Variants in KCTD8 observed in about 807,000 individuals in gnomAD.
The protein encoded by KCTD8 is BTB/POZ domain-containing protein KCTD8.
A neutral mutation model predicts 31.5 loss-of-function variants in KCTD8; 27 were observed. The observed-to-expected ratio is 0.86, with a 90% CI of 0.63 to 1.18. The LOEUF (loss-of-function observed/expected upper bound fraction) is 1.18. Among genes scored for constraint, KCTD8 ranks in the 50% most tolerant of loss-of-function variants. KCTD8 has a pLI of 0.00. For synonymous variants in KCTD8, 290 were observed against 280.0 expected, an observed-to-expected ratio of 1.04 and a Z score of -0.36; for missense variants, 658 against 647.7, an observed-to-expected ratio of 1.02 and a Z score of -0.17.
At chr4:44,203,516 G>T (rs1361412166) in intron 1 of KCTD8, among the ~76,000 whole-genome samples, 1 of 146,654 alleles carries the variant, frequency 6.8e-6, no homozygotes, top group Non-Finnish European at 1.5e-5. Flanking sequence ...AAAAAAAAAG[G>T]AATAAAAAAA....
intron 1 of KCTD8, among the ~76,000 whole-genome samples, chr4:44,388,145 A>T (rs963748568): frequency 1.3e-5 from 2 of 152,080 alleles, no homozygotes; most frequent in African/African-American, 2.4e-5. Context: ...GCAAATCAAA[A>T]CCATAATGGA....
At chr4:44,343,672 G>C (rs565699848) in intron 1 of KCTD8, among the ~76,000 whole-genome samples, 6 of 152,052 alleles carry the variant, frequency 3.9e-5, no homozygotes, top group African/African-American at 7.3e-5. Flanking sequence ...TAAGTTTTTA[G>C]GGTTTTCACA....
At chr4:44,349,447 AG>A (rs1258963791) in intron 1 of KCTD8, among the ~76,000 whole-genome samples, 2 of 152,180 alleles carry the variant, frequency 1.3e-5, no homozygotes, top group African/African-American at 4.8e-5. Flanking sequence ...AACATCGGGC[AG>A]GAATGACCAG....
intron 1 of KCTD8, among the ~76,000 whole-genome samples, chr4:44,426,878 A>G (rs1282607529): frequency 6.6e-6 from 1 of 151,778 alleles, no homozygotes; most frequent in Non-Finnish European, 1.5e-5. Flanking sequence ...TAAAAAAATT[A>G]TAAGCCTATT....
intron 1 of KCTD8, among the ~76,000 whole-genome samples, chr4:44,321,369 T>G (rs2109406309): frequency 6.6e-6 from 1 of 152,320 alleles, no homozygotes; most frequent in Middle Eastern, 3.4e-3. Context: ...AAATTAAGAC[T>G]TACTGTGTCA....
intron 1 of KCTD8, among the ~76,000 whole-genome samples, chr4:44,435,845 T>C (rs1194516220): frequency 1.3e-5 from 2 of 152,088 alleles, no homozygotes; most frequent in East Asian, 1.9e-4. Context: ...TGGGCTTCTA[T>C]AGGTGATCGG....
chr4:44,306,696 A>T (rs931551434), intron 1 of KCTD8, among the ~76,000 whole-genome samples: 4 of 151,886 alleles, frequency 2.6e-5, no homozygotes, highest in African/African-American at 9.7e-5. Context: ...AGTCCTGAAC[A>T]TGTTCTGTCT....
intron 1 of KCTD8, among the ~76,000 whole-genome samples, chr4:44,358,636 T>C (rs1244691875): frequency 6.6e-6 from 1 of 151,986 alleles, no homozygotes; most frequent in East Asian, 1.9e-4. Flanking sequence ...TGGCACGATC[T>C]CGGCTCACCG....
rs547846414 is a variant in KCTD8 at position 44,210,112 on chromosome 4, TG to T, written c.962-34863del. ...TTTGAATGCCCAACATATATTACCC[TG>T]GGCATTATGTAAATATTCAACAGTT... On this transcript the variant is annotated intron_variant, in intron 1 of 1. Transcript: ENST00000360029. Among the ~76,000 whole-genome samples, 8 of 152,336 alleles carry T rather than the reference TG, an allele frequency of 5.3e-5. No homozygotes were observed. The East Asian group carries it at 9.7e-4, about 18-fold the overall frequency.
intron 1 of KCTD8, among the ~76,000 whole-genome samples, chr4:44,431,380 G>A (rs185766918): frequency 3.9e-4 from 59 of 150,912 alleles, no homozygotes; most frequent in Admixed American, 3.7e-3. Flanking sequence ...TATTATCTTC[G>A]GGATAAAGAT....
At chr4:44,413,426 T>TA (rs1254193334) in intron 1 of KCTD8, among the ~76,000 whole-genome samples, 1 of 152,176 alleles carries the variant, frequency 6.6e-6, no homozygotes, top group Non-Finnish European at 1.5e-5. Flanking sequence ...ATCTCTAAAA[T>TA]ATATGGCCTA....
intron 1 of KCTD8, among the ~76,000 whole-genome samples, chr4:44,333,719 T>A (rs762306378): frequency 1.3e-5 from 2 of 150,462 alleles, no homozygotes; most frequent in African/African-American, 5.0e-5. Flanking sequence ...TGTGATGTTG[T>A]ATTGAGGTGA....
At chr4:44,411,523 G>GT (rs1720956649) in intron 1 of KCTD8, among the ~76,000 whole-genome samples, 1 of 151,974 alleles carries the variant, frequency 6.6e-6, no homozygotes, top group African/African-American at 2.4e-5. Flanking sequence ...ATGAATGTAT[G>GT]TTTTTTATGT....
chr4:44,308,698 T>C (rs1717872325), intron 1 of KCTD8, among the ~76,000 whole-genome samples: 1 of 152,066 alleles, frequency 6.6e-6, no homozygotes, highest in African/African-American at 2.4e-5. Flanking sequence ...TAACAAAGCA[T>C]TGTTAAAGAT....
intron 1 of KCTD8, among the ~76,000 whole-genome samples, chr4:44,313,284 T>C (rs868715952): frequency 2.0e-5 from 3 of 152,158 alleles, no homozygotes; most frequent in Non-Finnish European, 4.4e-5. Flanking sequence ...ACTTAAAGCA[T>C]TTAACTGAAC....
At chr4:44,298,731 A>G (rs1466114397) in intron 1 of KCTD8, among the ~76,000 whole-genome samples, 1 of 152,186 alleles carries the variant, frequency 6.6e-6, no homozygotes, top group African/African-American at 2.4e-5. Context: ...GCTCTGTACT[A>G]AAGTGACAAA....
chr4:44,319,812 C>G (rs183069986), intron 1 of KCTD8, among the ~76,000 whole-genome samples: 1 of 151,978 alleles, frequency 6.6e-6, no homozygotes, highest in Non-Finnish European at 1.5e-5. Flanking sequence ...TTCCAGAAAG[C>G]CTTATGTTTT....
At chr4:44,409,163 T>A (rs1379108309) in intron 1 of KCTD8, among the ~76,000 whole-genome samples, 2 of 150,078 alleles carry the variant, frequency 1.3e-5, no homozygotes, top group African/African-American at 4.9e-5. Context: ...GAATCAAGGA[T>A]GTGGTGAGCG....
At chr4:44,391,772 G>T (rs1720380946) in intron 1 of KCTD8, among the ~76,000 whole-genome samples, 1 of 151,678 alleles carries the variant, frequency 6.6e-6, no homozygotes, top group African/African-American at 2.4e-5. Context: ...TTTTTAAAGG[G>T]TCAACTGTAA....
Sources: allele counts gnomAD v4.1 joint callset (sites outside exome capture counted in the v4.1 genomes callset), GRCh38; gene constraint gnomAD v4.1.1; transcripts MANE v1.5; gene names NCBI Gene and HGNC (gene_info 2026-07-23, HGNC 2026-07-21).